The following ABHD12B variants were observed in gnomAD, a reference collection of about 807,000 sequenced individuals.
The protein encoded by ABHD12B is protein ABHD12B.
In ABHD12B, 42 loss-of-function variants were observed where a neutral mutation model predicts 50.4. The ratio of observed to expected loss-of-function variants is 0.83; its 90% CI spans 0.65 to 1.08. The LOEUF (loss-of-function observed/expected upper bound fraction) is 1.08, where lower values mean the gene tolerates loss of function less well. Ranked by LOEUF, ABHD12B falls within the 50% of genes least tolerant of loss-of-function variation. ABHD12B has a pLI of 0.00. For synonymous variants in ABHD12B, 167 were observed against 160.3 expected, an observed-to-expected ratio of 1.04 and a Z score of -0.32; for missense variants, 479 against 447.7, an observed-to-expected ratio of 1.07 and a Z score of -0.63.
At chr14:50,882,777 G>C (rs1020034845) in intron 5 of ABHD12B, among the ~76,000 whole-genome samples, 3 of 151,886 alleles carry the variant, frequency 2.0e-5, no homozygotes, top group African/African-American at 7.3e-5. Flanking sequence ...TTCAAGACCA[G>C]GGTCTCAACT....
chr14:50,895,994 T>A (rs373171135), intron 9 of ABHD12B, among the ~76,000 whole-genome samples: 14 of 152,262 alleles, frequency 9.2e-5, no homozygotes, highest in African/African-American at 3.4e-4. Flanking sequence ...TACAGCTATA[T>A]CTCATTGCCG....
intron 1 of ABHD12B, among the ~76,000 whole-genome samples, chr14:50,873,663 T>C (rs1030173453): frequency 8.5e-5 from 13 of 152,306 alleles, no homozygotes; most frequent in African/African-American, 3.1e-4. Flanking sequence ...TCAAACTGCA[T>C]ATTAACAGGA....
chr14:50,878,249 T>G (rs1257662469), intron 2 of ABHD12B, among the ~76,000 whole-genome samples, 170 bp downstream of exon 2: 2 of 152,192 alleles, frequency 1.3e-5, no homozygotes, highest in African/African-American at 4.8e-5. Context: ...CAGGAATCCT[T>G]GCAAACTGTT....
intron 7 of ABHD12B, among the ~76,000 whole-genome samples, chr14:50,886,440 C>CAA (rs534954967): frequency 2.5e-4 from 16 of 62,974 alleles, no homozygotes; most frequent in South Asian, 5.6e-4. Flanking sequence ...GCTCTGTCTC[C>CAA]AAAAAAAAAA....
chr14:50,876,453 T>G (rs557557190), intron 1 of ABHD12B, among the ~76,000 whole-genome samples: 1 of 152,254 alleles, frequency 6.6e-6, no homozygotes, highest in Non-Finnish European at 1.5e-5. Context: ...AGAGGGCTCC[T>G]GAGAATACAG....
At chr14:50,882,221 C>G (rs1034147873) in intron 5 of ABHD12B, among the ~76,000 whole-genome samples, 2 of 150,314 alleles carry the variant, frequency 1.3e-5, no homozygotes, top group Admixed American at 6.7e-5. Flanking sequence ...CAGGCGCGAA[C>G]CACCTCACCC....
chr14:50,882,787 T>C (rs2049975781), intron 5 of ABHD12B, among the ~76,000 whole-genome samples: 1 of 151,946 alleles, frequency 6.6e-6, no homozygotes, highest in Non-Finnish European at 1.5e-5. Context: ...GGGTCTCAAC[T>C]TAATGAGACC....
intron 12 of ABHD12B, 36 bp downstream of exon 12, chr14:50,904,228 A>T (rs1408949038): frequency 6.2e-7 from 1 of 1,613,290 alleles, no homozygotes; most frequent in African/African-American, 1.3e-5. Context: ...GTTGCCCTTC[A>T]AGGCAATTAG....
intron 1 of ABHD12B, 32 bp downstream of exon 1, chr14:50,872,310 C>A: frequency 1.6e-6 from 2 of 1,255,960 alleles, no homozygotes; most frequent in Non-Finnish European, 2.0e-6. Flanking sequence ...CCTGGCCGGG[C>A]CCCGACGGCT....
chr14:50,877,065 T>C (rs2049873679), intron 1 of ABHD12B, among the ~76,000 whole-genome samples: 1 of 152,058 alleles, frequency 6.6e-6, no homozygotes, highest in South Asian at 2.1e-4. Flanking sequence ...AGCTCCTGAT[T>C]GGGTGGTTTG....
At chr14:50,894,355 C>T (rs1325917730) in intron 9 of ABHD12B, among the ~76,000 whole-genome samples, 1 of 152,012 alleles carries the variant, frequency 6.6e-6, no homozygotes, top group Non-Finnish European at 1.5e-5. Flanking sequence ...GTGCCCCAAC[C>T]CCTTCTCTGC....
chr14:50,884,124 A>G (rs566077310), intron 5 of ABHD12B, among the ~76,000 whole-genome samples: 1 of 152,366 alleles, frequency 6.6e-6, no homozygotes, highest in East Asian at 1.9e-4. Flanking sequence ...TATTGGATAT[A>G]AGATTTTTCC....
At chr14:50,892,347 A>T in intron 9 of ABHD12B, 1 of 921,198 alleles carries the variant, frequency 1.1e-6, no homozygotes, top group South Asian at 5.0e-5. Context: ...GGGTAGTAGC[A>T]CTGGAAAGGG....
In ABHD12B at chr14:50,880,644, C is replaced by T. The variant is rs1444216474; in HGVS notation, c.455+73C>T. On this transcript the variant is annotated intron_variant, in intron 4 of 12. Coordinates refer to ENST00000337334, the MANE Select transcript of ABHD12B (RefSeq NM_001206673.2). Reference sequence around the variant, plus strand: ...TTCAGCCCCATGGGGGAATGAAGGACAGGGCTCTGTTTTTAACTCTGTAGG... The same window carrying T: ...TTCAGCCCCATGGGGGAATGAAGGATAGGGCTCTGTTTTTAACTCTGTAGG... 3.5e-6 allele frequency: 5 copies of T among 1,433,898 alleles called. No individual in the cohort carries two copies. In the African/African-American group the frequency reaches 7.3e-5, roughly 21 times the overall value. 88.8% of individuals were successfully genotyped at this position (1,433,898 alleles called of 1,614,324 possible). A position where few individuals can be genotyped will look rare whatever the true frequency, so the allele number is the denominator to read the frequency against.
At chr14:50,881,879 G>C (rs2049955019) in intron 5 of ABHD12B, among the ~76,000 whole-genome samples, 1 of 152,110 alleles carries the variant, frequency 6.6e-6, no homozygotes, top group South Asian at 2.1e-4. Context: ...TGGAGGTGAA[G>C]ACATTTTTAT....
intron 5 of ABHD12B, among the ~76,000 whole-genome samples, chr14:50,884,460 G>T (rs2050005475): frequency 6.6e-6 from 1 of 152,198 alleles, no homozygotes; most frequent in Non-Finnish European, 1.5e-5. Flanking sequence ...AAAATGCAGT[G>T]GGAGGAAGCG....
At chr14:50,887,307 G>A (rs2050055804) in intron 8 of ABHD12B, among the ~76,000 whole-genome samples, 1 of 150,452 alleles carries the variant, frequency 6.6e-6, no homozygotes, top group Non-Finnish European at 1.5e-5. Flanking sequence ...ACACAGAACT[G>A]GCTTTCTGCA....
intron 5 of ABHD12B, among the ~76,000 whole-genome samples, chr14:50,882,884 T>C (rs1453679075): frequency 6.6e-6 from 1 of 151,448 alleles, no homozygotes; most frequent in Non-Finnish European, 1.5e-5. Flanking sequence ...GGTGAGAGGA[T>C]TGCTTGAGCC....
At chr14:50,900,657 G>A (rs2050251865) in intron 9 of ABHD12B, among the ~76,000 whole-genome samples, 1 of 152,228 alleles carries the variant, frequency 6.6e-6, no homozygotes, top group African/African-American at 2.4e-5. Context: ...GAAGCCAGCT[G>A]ATGGGAAAAT....
Sources: gnomAD v4.1 joint callset for allele counts (sites outside exome capture counted in the v4.1 genomes callset) on GRCh38, gnomAD v4.1.1 for gene constraint, MANE v1.5 for transcripts, NCBI Gene and HGNC (gene_info 2026-07-23, HGNC 2026-07-21) for gene names.